ATP10B: variants seen among roughly 807,000 people sequenced by gnomAD.
The protein encoded by ATP10B is phospholipid-transporting ATPase VB.
ATP10B carries 122 observed loss-of-function variants against 141.2 expected under a neutral mutation model. The observed-to-expected ratio is 0.86, with a 90% CI of 0.75 to 1.00. The LOEUF (loss-of-function observed/expected upper bound fraction) is 1.00, where lower values mean the gene tolerates loss of function less well. ATP10B is among the 50% of genes least tolerant of loss of function. ATP10B has a pLI of 0.00. For synonymous variants in ATP10B, 685 were observed against 692.0 expected (o/e 0.99, Z 0.16); for missense variants, 1,876 against 1,825.3 (o/e 1.03, Z -0.51).
Position 160,823,608 on chromosome 5 carries a change from A to G in ATP10B, c.-576+28333T>C, listed in dbSNP as rs148463710. Among the ~76,000 whole-genome samples the G allele has an allele frequency of 5.9e-3, 893 of 152,238 alleles. 12 individuals are homozygous for G. The highest frequency in any genetic ancestry group is 0.02 in the African/African-American group (851 of 41,546). On this transcript the variant is annotated intron_variant, in intron 1 of 25. Transcript: ENST00000327245. ...TCTGTGGCCTACGCCTGTAATCCCA[A>G]CACTTTGGGAGGCCGAGGTGGGCAG...
the ATP10B span, among the ~76,000 whole-genome samples, chr5:160,869,071 T>C: frequency 7.2e-5 from 11 of 152,314 alleles, no homozygotes; most frequent in East Asian, 5.8e-4. Context: ...CCTTAGTTTC[T>C]TCATCTGCAA....
At position 160,620,710 on chromosome 5, in the gene ATP10B, A is replaced by T. The variant is rs2127648713; in HGVS notation, c.2053T>A (p.Trp685Arg). 3 of 1,614,058 alleles carry T rather than the reference A, an allele frequency of 1.9e-6. No homozygotes were observed. In the East Asian group the frequency reaches 6.7e-5, roughly 36 times the overall value. The change falls in exon 15 of 26, where the codon TGG becomes AGG. Residue 685 changes from tryptophan to arginine, a missense_variant. Physicochemically the swap from Trp to Arg is moderately radical, Grantham distance 101. Coordinates refer to ENST00000327245, the MANE Select transcript of ATP10B (RefSeq NM_025153.3). ...GACTCCAGGATGTCGCCCTGGTCCC[A>T]CATGCTGCTCCTGTAGCCACCGTCA... ...TDDGGYRSSM[W>R]DQGDILESGS...
At chr5:160,882,947 CA>C in the ATP10B span, among the ~76,000 whole-genome samples, 4 of 149,106 alleles carry the variant, frequency 2.7e-5, no homozygotes, top group East Asian at 2.0e-4. Context: ...GTTGGTCTGC[CA>C]AAAAAAATGA....
At chr5:160,860,338 C>T in the ATP10B span, among the ~76,000 whole-genome samples, 1 of 151,832 alleles carries the variant, frequency 6.6e-6, no homozygotes, top group African/African-American at 2.4e-5. Flanking sequence ...TAGAGAATAT[C>T]TAGTAAATGT....
chr5:160,675,957 G>A (rs951817267), intron 6 of ATP10B, among the ~76,000 whole-genome samples: 1 of 152,156 alleles, frequency 6.6e-6, no homozygotes, highest in Non-Finnish European at 1.5e-5. Flanking sequence ...AGGATGCCTA[G>A]ATATATCTGT....
intron 2 of ATP10B, among the ~76,000 whole-genome samples, chr5:160,767,600 T>C (rs1769550594): frequency 6.8e-6 from 1 of 147,348 alleles, no homozygotes; most frequent in Non-Finnish European, 1.5e-5. Flanking sequence ...AATGACACTT[T>C]GCTTCCAATA....
chr5:160,621,830 T>C (rs1434961017), intron 14 of ATP10B, among the ~76,000 whole-genome samples: 1 of 152,232 alleles, frequency 6.6e-6, no homozygotes, highest in African/African-American at 2.4e-5. Context: ...ACCATTCAGC[T>C]GCATTTTTTT....
At chr5:160,716,397 C>T (rs900955647) in intron 3 of ATP10B, among the ~76,000 whole-genome samples, 1 of 152,084 alleles carries the variant, frequency 6.6e-6, no homozygotes, top group African/African-American at 2.4e-5. Flanking sequence ...TTAGCATCCC[C>T]ATTTTACAGA....
intron 1 of ATP10B, among the ~76,000 whole-genome samples, chr5:160,825,554 T>A (rs1464704501): frequency 1.3e-5 from 2 of 152,264 alleles, no homozygotes; most frequent in Non-Finnish European, 2.9e-5. Flanking sequence ...GTCTTGGGTA[T>A]GTCTTTATCA....
intron 2 of ATP10B, among the ~76,000 whole-genome samples, chr5:160,767,635 AC>A (rs531198402): frequency 0.041 from 3,570 of 86,286 alleles, 344 homozygotes; most frequent in African/African-American, 0.11. Flanking sequence ...TGTGTGCAGA[AC>A]CCCCCCCCCC....
rs190969519 is a variant in ATP10B at position 160,775,353 on chromosome 5, T to C, written c.-331+10206A>G. On this transcript the variant is annotated intron_variant, in intron 2 of 25. Coordinates refer to ENST00000327245, the MANE Select transcript of ATP10B (RefSeq NM_025153.3). ...CAGATTTAGTCAAAGTCCCACTGCCTGATTTTAATTTGATAGTGCCTGCTT... is the reference window on the plus strand; with the variant it reads ...CAGATTTAGTCAAAGTCCCACTGCCCGATTTTAATTTGATAGTGCCTGCTT... Among the ~76,000 whole-genome samples, 1,252 of 152,356 alleles carry C rather than the reference T, an allele frequency of 8.2e-3. 17 individuals carry two copies. The highest frequency in any genetic ancestry group is 0.029 in the African/African-American group (1,200 of 41,574).
At chr5:160,706,788 AGATTTCACCTGGGT>A (rs1478855185) in intron 3 of ATP10B, among the ~76,000 whole-genome samples, 1 of 152,200 alleles carries the variant, frequency 6.6e-6, no homozygotes, top group Non-Finnish European at 1.5e-5. Context: ...CAGACTATTC[AGATTTCACCTGGGT>A]GATTTTTTCA....
chr5:160,568,641 G>C (rs1026914284), intron 25 of ATP10B, among the ~76,000 whole-genome samples: 1 of 152,142 alleles, frequency 6.6e-6, no homozygotes, highest in Non-Finnish European at 1.5e-5. Flanking sequence ...ACTATGATCT[G>C]TGGTAGGCCT....
At chr5:160,654,262 G>T (rs1220594212) in intron 7 of ATP10B, among the ~76,000 whole-genome samples, 2 of 151,732 alleles carry the variant, frequency 1.3e-5, no homozygotes, top group Non-Finnish European at 1.5e-5. Flanking sequence ...ATCGTGCCTG[G>T]CCAGGGTTCT....
chr5:160,794,517 G>A (rs1771807527), intron 1 of ATP10B, among the ~76,000 whole-genome samples: 1 of 152,204 alleles, frequency 6.6e-6, no homozygotes. Context: ...GAAGATAGAA[G>A]TTCTTTGATT....
the ATP10B span, among the ~76,000 whole-genome samples, chr5:160,879,443 G>A: frequency 1.1e-4 from 15 of 135,254 alleles, no homozygotes; most frequent in South Asian, 2.6e-4. Flanking sequence ...GCTAGATGAC[G>A]AGTTAGTGGG....
chr5:160,698,217 G>A (rs956575428), intron 3 of ATP10B, among the ~76,000 whole-genome samples: 22 of 152,120 alleles, frequency 1.4e-4, no homozygotes, highest in Non-Finnish European at 2.2e-4. Flanking sequence ...ACCCATTTCC[G>A]TGAATAGCAT....
chr5:160,723,986 T>C (rs530274916), intron 2 of ATP10B, among the ~76,000 whole-genome samples: 8 of 152,282 alleles, frequency 5.3e-5, no homozygotes, highest in Admixed American at 5.2e-4. Context: ...TGCGGGGACA[T>C]GGATGGAGCC....
the ATP10B span, among the ~76,000 whole-genome samples, chr5:160,911,236 G>C: frequency 6.6e-6 from 1 of 152,154 alleles, no homozygotes; most frequent in South Asian, 2.1e-4. Context: ...GAGGACAAAG[G>C]AGATACAACT....
Sources: gnomAD v4.1 joint callset for allele counts (sites outside exome capture counted in the v4.1 genomes callset) on GRCh38, gnomAD v4.1.1 for gene constraint, MANE v1.5 for transcripts, NCBI Gene and HGNC (gene_info 2026-07-23, HGNC 2026-07-21) for gene names.